The following CATSPERB variants were observed in gnomAD, a reference collection of about 807,000 sequenced individuals.
CATSPERB encodes the protein catsper channel auxiliary subunit beta.
A neutral mutation model predicts 128.3 loss-of-function variants in CATSPERB; 93 were observed. The observed-to-expected ratio is 0.72, with a 90% CI of 0.61 to 0.86. The LOEUF is 0.86. Among genes scored for constraint, CATSPERB ranks in the 40% least tolerant of loss-of-function variants. CATSPERB has a pLI of 0.00. For missense variants in CATSPERB, 1,153 were observed against 1,329.5 expected (o/e 0.87, Z 2.06); for synonymous variants, 381 against 448.8 (o/e 0.85, Z 1.91).
intron 5 of CATSPERB, chr14:91,710,566 A>G (rs1182246681): frequency 6.6e-6 from 1 of 152,210 alleles, no homozygotes; most frequent in African/African-American, 2.4e-5. Flanking sequence ...CTGATGATTG[A>G]TGTGATACTA....
intron 14 of CATSPERB, among the ~76,000 whole-genome samples, chr14:91,661,870 T>C (rs1307760948): frequency 6.6e-6 from 1 of 152,154 alleles, no homozygotes; most frequent in Non-Finnish European, 1.5e-5. Context: ...TCTTCAGTTT[T>C]GCTGAACCAG....
intron 26 of CATSPERB, among the ~76,000 whole-genome samples, chr14:91,586,539 C>G (rs565861590): frequency 1.1e-4 from 6 of 54,344 alleles, no homozygotes; most frequent in African/African-American, 4.8e-4. Context: ...AGAGCTGGGC[C>G]GGAACAGGAG....
intron 14 of CATSPERB, among the ~76,000 whole-genome samples, chr14:91,668,771 A>T (rs538874148): frequency 7.2e-5 from 11 of 152,326 alleles, no homozygotes; most frequent in African/African-American, 2.6e-4. Context: ...ACTCACTGCG[A>T]AGGTCTGCAG....
chr14:91,701,552 G>A (rs1484628362), intron 7 of CATSPERB, among the ~76,000 whole-genome samples: 5 of 152,158 alleles, frequency 3.3e-5, no homozygotes, highest in African/African-American at 9.7e-5. Flanking sequence ...AACTGTATGT[G>A]GGATAGGATA....
At chr14:91,651,441 T>C (rs1894702455) in intron 15 of CATSPERB, among the ~76,000 whole-genome samples, 1 of 152,228 alleles carries the variant, frequency 6.6e-6, no homozygotes, top group East Asian at 1.9e-4. Context: ...TCCCTTTAAC[T>C]ATGTCTGCCC....
At chr14:91,703,689 C>T (rs534891122) in intron 7 of CATSPERB, among the ~76,000 whole-genome samples, 6 of 152,266 alleles carry the variant, frequency 3.9e-5, no homozygotes, top group African/African-American at 1.4e-4. Context: ...AGGGGTGTGG[C>T]GTGTCACAAC....
chr14:91,725,312 A>C, intron 2 of CATSPERB, 144 bp from the exon 3 acceptor site: 1 of 446,804 alleles, frequency 2.2e-6, no homozygotes, highest in Non-Finnish European at 3.8e-6. Flanking sequence ...TAAAATTCAA[A>C]TTTTCCACCT....
intron 22 of CATSPERB, chr14:91,605,354 A>G: frequency 1.5e-6 from 1 of 658,038 alleles, no homozygotes; most frequent in Non-Finnish European, 2.7e-6. Flanking sequence ...AAAATTTAAG[A>G]GCTGGACTGG....
At chr14:91,701,832 GCCT>G (rs1371903810) in intron 7 of CATSPERB, among the ~76,000 whole-genome samples, 4 of 151,424 alleles carry the variant, frequency 2.6e-5, no homozygotes, top group Non-Finnish European at 5.9e-5. Context: ...GATTGCTTGA[GCCT>G]AGGAGTTTGA....
intron 17 of CATSPERB, chr14:91,635,504 G>A (rs1303816369): frequency 6.6e-6 from 1 of 151,932 alleles, no homozygotes; most frequent in Non-Finnish European, 1.5e-5. Context: ...TTACAGATGT[G>A]AGCCACCACA....
At chr14:91,604,427 G>A (rs1229221651) in intron 22 of CATSPERB, 12 of 1,289,524 alleles carry the variant, frequency 9.3e-6, no homozygotes, top group African/African-American at 2.9e-5. Context: ...TTGCATGTTC[G>A]TGGAGTAGTT....
chr14:91,642,806 G>A (rs892670226), intron 15 of CATSPERB, among the ~76,000 whole-genome samples: 1 of 144,026 alleles, frequency 6.9e-6, no homozygotes, highest in African/African-American at 2.6e-5. Context: ...CCTTGTACCT[G>A]TGGTAGAATT....
Position 91,666,015 on chromosome 14 carries a change from G to A in CATSPERB, c.1287+3799C>T, listed in dbSNP as rs187308390. Reference sequence around the variant, plus strand: ...GGGGCGATTTCCCCATGCTGTTCTCGTGATAGTGAGTTCTCATGAGATCTA... The same window carrying A: ...GGGGCGATTTCCCCATGCTGTTCTCATGATAGTGAGTTCTCATGAGATCTA... On this transcript the variant is annotated intron_variant, in intron 14 of 26. Coordinates refer to ENST00000256343, the MANE Select transcript of CATSPERB (RefSeq NM_024764.4). Among the ~76,000 whole-genome samples the A allele has an allele frequency of 1.2e-4, 19 of 152,254 alleles. No individual in the cohort carries two copies. The East Asian group carries it at 2.9e-3, about 23-fold the overall frequency.
chr14:91,589,237 A>T (rs1463525975), intron 24 of CATSPERB, among the ~76,000 whole-genome samples: 1 of 152,218 alleles, frequency 6.6e-6, no homozygotes, highest in Non-Finnish European at 1.5e-5. Context: ...CCAGACCACC[A>T]TGCAGCACAA....
chr14:91,594,651 A>G (rs1007965064), intron 22 of CATSPERB, among the ~76,000 whole-genome samples: 9 of 152,180 alleles, frequency 5.9e-5, no homozygotes, highest in African/African-American at 1.9e-4. Flanking sequence ...GTAAAAATGG[A>G]CTAATACAAT....
At chr14:91,730,759 T>A (rs538317129) in intron 1 of CATSPERB, among the ~76,000 whole-genome samples, 1 of 152,232 alleles carries the variant, frequency 6.6e-6, no homozygotes, top group Non-Finnish European at 1.5e-5. Context: ...GTAAATTAAA[T>A]GTAACTGGTG....
intron 5 of CATSPERB, chr14:91,709,231 C>T (rs912468251): frequency 6.6e-6 from 1 of 152,152 alleles, no homozygotes; most frequent in Non-Finnish European, 1.5e-5. Context: ...ATAATGGCTA[C>T]AGAGAACATC....
At chr14:91,691,854 C>G (rs1343469337) in intron 9 of CATSPERB, among the ~76,000 whole-genome samples, 1 of 152,020 alleles carries the variant, frequency 6.6e-6, no homozygotes, top group Non-Finnish European at 1.5e-5. Context: ...GAAAACCATG[C>G]CTTTTAATGA....
chr14:91,709,245 T>C (rs1895789628), intron 5 of CATSPERB: 2 of 152,144 alleles, frequency 1.3e-5, no homozygotes, highest in African/African-American at 2.4e-5. Flanking sequence ...GAACATCATA[T>C]ATGATTTCAC....
Sources: allele counts gnomAD v4.1 joint callset (sites outside exome capture counted in the v4.1 genomes callset), GRCh38; gene constraint gnomAD v4.1.1; transcripts MANE v1.5; gene names NCBI Gene and HGNC (gene_info 2026-07-23, HGNC 2026-07-21).